The following ADARB1 variants were observed in gnomAD, a reference collection of about 807,000 sequenced individuals.
ADARB1 encodes double-stranded RNA-specific editase 1.
ADARB1 carries 10 observed loss-of-function variants against 52.4 expected under a neutral mutation model. That is an observed-to-expected ratio of 0.19 (90% CI 0.12 to 0.32). The LOEUF is 0.32. Ranked by LOEUF, ADARB1 falls within the 10% of genes least tolerant of loss-of-function variation. The probability of loss-of-function intolerance (pLI) is 1.00; values close to 1 mark genes in which losing one functional copy is unlikely to be tolerated. For missense variants in ADARB1, 643 were observed against 922.3 expected (o/e 0.70, Z 3.92); for synonymous variants, 349 against 371.1 (o/e 0.94, Z 0.68).
intron 2 of ADARB1, among the ~76,000 whole-genome samples, chr21:45,149,948 G>T (rs2090200048): frequency 6.6e-6 from 1 of 152,208 alleles, no homozygotes; most frequent in Non-Finnish European, 1.5e-5. Context: ...CCCCTTTACA[G>T]AAAATGTTTG....
At chr21:45,082,703 C>T (rs2086199696) in intron 1 of ADARB1, among the ~76,000 whole-genome samples, 1 of 152,142 alleles carries the variant, frequency 6.6e-6, no homozygotes, top group South Asian at 2.1e-4. Context: ...TGAGTTTAAT[C>T]TAGTTTAATC....
intron 1 of ADARB1, among the ~76,000 whole-genome samples, chr21:45,102,006 T>A (rs541222876): frequency 1.4e-4 from 22 of 152,164 alleles, no homozygotes; most frequent in South Asian, 6.2e-4. Flanking sequence ...CACCTCAGCC[T>A]CCTGAGTAGC....
intron 4 of ADARB1, chr21:45,177,090 C>G (rs1218765617): frequency 6.2e-6 from 1 of 160,176 alleles, no homozygotes; most frequent in Non-Finnish European, 1.4e-5. Flanking sequence ...ATCTCACATT[C>G]AAGATAAGTG....
chr21:45,194,941 AC>A (rs988341349), intron 8 of ADARB1, among the ~76,000 whole-genome samples: 4 of 152,206 alleles, frequency 2.6e-5, no homozygotes, highest in African/African-American at 9.6e-5. Context: ...ACCAAGGAGC[AC>A]GAATGCTGGG....
intron 9 of ADARB1, among the ~76,000 whole-genome samples, chr21:45,205,262 AAAAGAAAGAAAGAAAG>A (rs3838132): frequency 0.025 from 3,785 of 151,626 alleles, 156 homozygotes; most frequent in African/African-American, 0.088. Context: ...CCCTGTCTTT[AAAAGAAAGAAAGAAAG>A]AAAGAAAGAA....
At chr21:45,097,625 G>C (rs1169468187) in intron 1 of ADARB1, among the ~76,000 whole-genome samples, 1 of 152,088 alleles carries the variant, frequency 6.6e-6, no homozygotes, top group African/African-American at 2.4e-5. Context: ...TTCTGAGGAT[G>C]CCTGGGTGCT....
intron 9 of ADARB1, among the ~76,000 whole-genome samples, chr21:45,215,305 C>A (rs887651995): frequency 6.6e-5 from 10 of 152,184 alleles, no homozygotes; most frequent in African/African-American, 2.2e-4. Flanking sequence ...GCCTCAGTCT[C>A]CCAAAGTGCT....
intron 1 of ADARB1, among the ~76,000 whole-genome samples, chr21:45,082,298 T>C (rs1436192489): frequency 6.6e-6 from 1 of 152,242 alleles, no homozygotes; most frequent in Non-Finnish European, 1.5e-5. Context: ...ATATTGTCAG[T>C]TGAAAATGCA....
chr21:45,125,618 A>G (rs539142753), intron 1 of ADARB1, among the ~76,000 whole-genome samples: 2 of 152,348 alleles, frequency 1.3e-5, no homozygotes, highest in East Asian at 3.9e-4. Context: ...GGGAAGTAAG[A>G]TCTTCCCACA....
chr21:45,113,423 A>AAAAAC (rs1039865285), intron 1 of ADARB1, among the ~76,000 whole-genome samples: 4 of 152,204 alleles, frequency 2.6e-5, no homozygotes, highest in Non-Finnish European at 4.4e-5. Flanking sequence ...ACTCTGTCTC[A>AAAAAC]AAAACAAAAC....
Position 45,079,976 on chromosome 21 carries a change from G to A in ADARB1, c.-220+5183G>A, listed in dbSNP as rs1435997917. Among the ~76,000 whole-genome samples the A allele has an allele frequency of 2.0e-5, 3 of 152,280 alleles. No individual in the cohort carries two copies. In the East Asian group the frequency reaches 5.8e-4, roughly 29 times the overall value. On this transcript the variant is annotated intron_variant, in intron 1 of 10. Coordinates refer to ENST00000348831, the MANE Select transcript of ADARB1 (RefSeq NM_001112.4). Reference sequence around the variant, plus strand: ...GAGGGTCTAGCAACGCCATTGAAAAGGACTCTGTTTGAAGAAGGAAGAAAC... The same window carrying A: ...GAGGGTCTAGCAACGCCATTGAAAAAGACTCTGTTTGAAGAAGGAAGAAAC...
Position 45,222,814 on chromosome 21 carries a change from G to C in ADARB1, c.*617G>C, listed in dbSNP as rs537602547. On this transcript the variant is annotated 3_prime_UTR_variant, in exon 11 of 11. Coordinates refer to ENST00000348831, the MANE Select transcript of ADARB1 (RefSeq NM_001112.4). ...GGTTGTAACAGTCTCTCCCTGAGGA[G>C]CAGACTCCCAGCATGGTGTAGCGTG... 1 of 985,398 alleles carries C rather than the reference G, an allele frequency of 1.0e-6. No homozygotes were observed. The highest frequency in any genetic ancestry group is 1.7e-5 in the African/African-American group (1 of 57,232). 61.0% of individuals were successfully genotyped at this position (985,398 alleles called of 1,614,324 possible).
chr21:45,165,648 CTTG>C lies in ADARB1; in HGVS notation c.-47-5958_-47-5956del, dbSNP rs1042816283. Among the ~76,000 whole-genome samples the C allele has an allele frequency of 2.1e-3, 313 of 152,264 alleles. 1 individual carries two copies. Among genetic ancestry groups the C allele is most frequent in the African/African-American group, 7.1e-3 (296 of 41,554 alleles). ...TGTATCTCTAAACATGCATGATTCG[CTTG>C]TTGAGTTTCAGATTGTTTTCGTTCA... On this transcript the variant is annotated intron_variant, in intron 2 of 10. Transcript: ENST00000348831.
chr21:45,212,340 C>A (rs1040854156), intron 9 of ADARB1, among the ~76,000 whole-genome samples: 1 of 152,148 alleles, frequency 6.6e-6, no homozygotes, highest in Non-Finnish European at 1.5e-5. Context: ...GGGGCTGCCG[C>A]CTCTACAGAG....
chr21:45,077,654 G>A (rs1031638868), intron 1 of ADARB1, among the ~76,000 whole-genome samples: 9 of 150,852 alleles, frequency 6.0e-5, no homozygotes, highest in Non-Finnish European at 1.3e-4. Context: ...GCAACAGAGC[G>A]AGACGCCGTC....
chr21:45,182,105 AC>A (rs2091951334), intron 5 of ADARB1, among the ~76,000 whole-genome samples: 2 of 152,232 alleles, frequency 1.3e-5, no homozygotes, highest in Non-Finnish European at 2.9e-5. Flanking sequence ...GTGACAGTTT[AC>A]TAATGAAAAC....
At chr21:45,149,638 G>A (rs1052821817) in intron 2 of ADARB1, among the ~76,000 whole-genome samples, 1 of 152,182 alleles carries the variant, frequency 6.6e-6, no homozygotes, top group Admixed American at 6.5e-5. Flanking sequence ...TAGGTGTTCT[G>A]TTCAGAGGCC....
intron 5 of ADARB1, 26 bp from the exon 6 acceptor site, chr21:45,182,559 A>T: frequency 1.3e-6 from 2 of 1,577,376 alleles, no homozygotes; most frequent in Middle Eastern, 1.7e-4. Context: ...ATTACAGAAA[A>T]TAGTGTCTCT....
intron 2 of ADARB1, among the ~76,000 whole-genome samples, chr21:45,164,372 A>G (rs1035650255): frequency 6.6e-6 from 1 of 151,924 alleles, no homozygotes; most frequent in Non-Finnish European, 1.5e-5. Context: ...GGGTGGAGGA[A>G]CTCAGTGTAC....
Sources: gnomAD v4.1 joint callset for allele counts (sites outside exome capture counted in the v4.1 genomes callset) on GRCh38, gnomAD v4.1.1 for gene constraint, MANE v1.5 for transcripts, NCBI Gene and HGNC (gene_info 2026-07-23, HGNC 2026-07-21) for gene names.